The following LGI4 variants were observed in gnomAD, a reference collection of about 807,000 sequenced individuals.
LGI4 encodes leucine-rich repeat LGI family member 4.
In LGI4, 36 loss-of-function variants were observed where a neutral mutation model predicts 48.3. The observed-to-expected ratio is 0.75, with a 90% CI of 0.57 to 0.98. The LOEUF is 0.98. Ranked by LOEUF, LGI4 falls within the 50% of genes least tolerant of loss-of-function variation. The pLI is 0.00. For synonymous variants in LGI4, 355 were observed against 331.6 expected (o/e 1.07, Z -0.77); for missense variants, 701 against 732.1 (o/e 0.96, Z 0.49).
chr19:35,131,589 G>A lies in LGI4; in HGVS notation c.459-34C>T, dbSNP rs576479971. ...AGAGGCCAGGGAGGGGCTGCGACCC[G>A]GCTTCCACGCCCTGGGGGCCATGCT... On this transcript the variant is annotated intron_variant, in intron 5 of 8. Coordinates refer to ENST00000310123, the MANE Select transcript of LGI4 (RefSeq NM_139284.3). 19 of 1,539,618 alleles carry A rather than the reference G, an allele frequency of 1.2e-5. No homozygotes were observed. In the African/African-American group the frequency reaches 1.4e-4, roughly 11 times the overall value.
chr19:35,134,204 T>G (rs1167622942), intron 1 of LGI4, 100 bp from the exon 2 acceptor site: 8 of 1,075,446 alleles, frequency 7.4e-6, no homozygotes, highest in Non-Finnish European at 1.1e-5. Flanking sequence ...CGTGCCACCC[T>G]GACCCTGGAT....
Position 35,131,409 on chromosome 19 carries a change from T to C in LGI4, c.605A>G (p.Lys202Arg). 6.4e-7 allele frequency: 1 copy of C among 1,551,542 alleles called. No individual in the cohort carries two copies. The highest frequency in any genetic ancestry group is 8.7e-7 in the Non-Finnish European group (1 of 1,146,782). Reference sequence around the variant, plus strand: ...ACCTATGGCTCTGCACTTGAAAGTCTTGGGGTCGAGGTGGTGGAGCTGCAT... The same window carrying C: ...ACCTATGGCTCTGCACTTGAAAGTCCTGGGGTCGAGGTGGTGGAGCTGCAT... Reference protein sequence around the residue: ...SHMQLHHLDPKTFKCRAIELS... With the variant: ...SHMQLHHLDPRTFKCRAIELS... The change falls in exon 6 of 9, where the codon AAG (lysine) becomes AGG (arginine). Residue 202 changes from lysine (K) to arginine (R), a missense_variant. Coordinates refer to ENST00000310123, the MANE Select transcript of LGI4 (RefSeq NM_139284.3).
At chr19:35,125,622 T>C in intron 8 of LGI4, 115 bp from the exon 9 acceptor site, 2 of 927,140 alleles carry the variant, frequency 2.2e-6, no homozygotes, top group Non-Finnish European at 3.3e-6. Flanking sequence ...CTTATCTTCA[T>C]AAAAGTCACC....
At position 35,126,609 on chromosome 19, in the gene LGI4, G is replaced by C. The variant is rs77635806; in HGVS notation, c.960C>G (p.Ala320=). The C allele has an allele frequency of 0.024, 37,698 of 1,541,642 alleles. 612 individuals carry two copies. Among genetic ancestry groups the C allele is most frequent in the Middle Eastern group, 0.031 (180 of 5,838 alleles). The change falls in exon 8 of 9, where the codon GCC becomes GCG. Residue 320 remains alanine (A), a synonymous_variant. Coordinates refer to ENST00000310123, the MANE Select transcript of LGI4 (RefSeq NM_139284.3). ...APRRLLRPND[A]ELLWLEGQPC... ...GTTGCCCTTCCAGCCACAGGAGCTC[G>C]GCGTCATTGGGCCGCAGCAGCCGCC... is the stretch of plus-strand genomic sequence containing the variant.
intron 8 of LGI4, chr19:35,125,808 C>T: frequency 1.6e-6 from 1 of 623,362 alleles, no homozygotes; most frequent in Non-Finnish European, 3.0e-6. Context: ...CTGGCAGCCT[C>T]TTCCCTGGCC....
At chr19:35,133,550 C>A (rs746886446) in intron 3 of LGI4, 143 bp downstream of exon 3, 11 of 1,475,616 alleles carry the variant, frequency 7.5e-6, no homozygotes, top group Non-Finnish European at 9.9e-6. Flanking sequence ...ATTGGGTTCG[C>A]CATTTTTATC....
At chr19:35,134,452 C>G (rs2065195767) in intron 1 of LGI4, 59 bp downstream of exon 1, 1 of 1,524,206 alleles carries the variant, frequency 6.6e-7, no homozygotes, top group African/African-American at 1.4e-5. Flanking sequence ...ACATCCCAAC[C>G]TCTGGGGTCC....
chr19:35,131,982 C>T lies in LGI4; in HGVS notation c.375G>A (p.Ser125=), dbSNP rs765775997. The change falls in exon 4 of 9, where the codon TCG becomes TCA. Residue 125 remains serine (S), a synonymous_variant. Transcript: ENST00000310123. The stretch of plus-strand genomic sequence containing the variant: ...GTGGAGGCACGCACAGGTGTGTAAG[C>T]GAGCGAAGTCCTCTGAGGGCATTCT... ...ISKNALRGLR[S]LTHLSLANNH... is the part of the protein sequence containing the mutation. The T allele has an allele frequency of 1.0e-5, 16 of 1,588,686 alleles. No homozygotes were observed. Among genetic ancestry groups the T allele is most frequent in the Middle Eastern group, 1.7e-4 (1 of 6,034 alleles).
intron 6 of LGI4, among the ~76,000 whole-genome samples, chr19:35,128,953 C>T (rs1488741206): frequency 6.6e-6 from 1 of 152,178 alleles, no homozygotes; most frequent in Non-Finnish European, 1.5e-5. Flanking sequence ...CACATCGAGA[C>T]CTAACATCCC....
Position 35,132,478 on chromosome 19 carries a change from C to T in LGI4, c.315-436G>A, listed in dbSNP as rs371848474. On this transcript the variant is annotated intron_variant, in intron 3 of 8. Coordinates refer to ENST00000310123, the MANE Select transcript of LGI4 (RefSeq NM_139284.3). ...ACCAGTGCTAGCACCCACACCACCA[C>T]ATTACCTCCAGCATCATCTGTAATG... is the stretch of plus-strand genomic sequence containing the variant. Among the ~76,000 whole-genome samples the T allele has an allele frequency of 4.6e-5, 7 of 152,088 alleles. No homozygotes were observed. The South Asian group carries it at 1.5e-3, about 32-fold the overall frequency.
intron 3 of LGI4, chr19:35,133,407 C>T (rs1225769053): frequency 7.9e-7 from 1 of 1,264,324 alleles, no homozygotes; most frequent in Non-Finnish European, 1.0e-6. Flanking sequence ...TCAGGGAGAG[C>T]CAGAATCAGG....
intron 2 of LGI4, 112 bp downstream of exon 2, chr19:35,133,921 C>T: frequency 2.3e-6 from 3 of 1,288,898 alleles, no homozygotes; most frequent in East Asian, 2.5e-5. Context: ...CATACACCCC[C>T]ACACACGTGC....
At position 35,126,671 on chromosome 19, in the gene LGI4, C is replaced by G; in HGVS notation, c.898G>C (p.Gly300Arg). ...GSQLWARPSP[G>R]LRLAPTQTLA... Reference sequence around the variant, plus strand: ...GTCTGCGTTGGGGCCAGGCGCAGGCCGGGACTGGGCCGGGCCCACAGCTGT... The same window carrying G: ...GTCTGCGTTGGGGCCAGGCGCAGGCGGGGACTGGGCCGGGCCCACAGCTGT... The change falls in exon 8 of 9, where the codon GGC (glycine) becomes CGC (arginine). Residue 300 changes from glycine (G) to arginine (R), a missense_variant. Physicochemically the swap from Gly to Arg is moderately radical, Grantham distance 125. Transcript: ENST00000310123. 9.1e-6 allele frequency: 14 copies of G among 1,535,296 alleles called. No homozygotes were observed. Among genetic ancestry groups the G allele is most frequent in the African/African-American group, 1.4e-5 (1 of 73,328 alleles).
intron 6 of LGI4, among the ~76,000 whole-genome samples, chr19:35,128,731 CA>C (rs909649074): frequency 1.3e-5 from 2 of 152,188 alleles, no homozygotes; most frequent in African/African-American, 4.8e-5. Context: ...AACAAACATA[CA>C]AAAAACTTTC....
At chr19:35,133,852 G>T in intron 2 of LGI4, 88 bp from the exon 3 acceptor site, 1 of 1,404,490 alleles carries the variant, frequency 7.1e-7, no homozygotes, top group Non-Finnish European at 9.8e-7. Flanking sequence ...GCCTAGGTGG[G>T]CATGGGCACG....
Position 35,125,179 on chromosome 19 carries a change from T to C in LGI4, c.*14A>G, listed in dbSNP as rs765941326. The C allele has an allele frequency of 2.5e-5, 38 of 1,508,342 alleles. No individual in the cohort carries two copies. Among genetic ancestry groups the C allele is most frequent in the Non-Finnish European group, 3.4e-5 (38 of 1,126,268 alleles). The allele number at this position is 1,508,342 out of a possible 1,614,324, so 93.4% of individuals were successfully genotyped here. The stretch of plus-strand genomic sequence containing the variant: ...CCAGGGGCCCCAGCCATGCCCAGAG[T>C]CCCGTTGGTGGTCTCAGGCACTGAG... On this transcript the variant is annotated 3_prime_UTR_variant, in exon 9 of 9. Transcript: ENST00000310123.
Position 35,126,633 on chromosome 19 carries a change from C to T in LGI4, c.936G>A (p.Arg312=). The T allele has an allele frequency of 6.5e-7, 1 of 1,540,210 alleles. No homozygotes were observed. The highest frequency in any genetic ancestry group is 8.7e-7 in the Non-Finnish European group (1 of 1,148,870). ...RLAPTQTLAP[R]RLLRPNDAEL... ...CGGCGTCATTGGGCCGCAGCAGCCG[C>T]CGCGGGGCCAGGGTCTGCGTTGGGG... The change falls in exon 8 of 9, where the codon CGG becomes CGA. Residue 312 remains arginine, a synonymous_variant. Transcript: ENST00000310123.
intron 6 of LGI4, 131 bp downstream of exon 6, chr19:35,131,255 A>T (rs903001867): frequency 1.4e-5 from 15 of 1,101,616 alleles, no homozygotes; most frequent in Non-Finnish European, 2.0e-5. Flanking sequence ...GGGGCTCAGG[A>T]AGGCAGTGCT....
In LGI4 at chr19:35,134,653, G is replaced by A; in HGVS notation, c.28C>T (p.Leu10=). The A allele has an allele frequency of 6.9e-7, 1 of 1,455,432 alleles. No homozygotes were observed. Among genetic ancestry groups the A allele is most frequent in the South Asian group, 1.2e-5 (1 of 81,850 alleles). The allele number at this position is 1,455,432 out of a possible 1,614,324, so 90.2% of individuals were successfully genotyped here. ...ACCACCACCCCCGCCCCAGCCAGCA[G>A]CAGCAGCAGAATGCCTGCCCCTCCC... MGGAGILLL[L]LAGAGVVVAW... The change falls in exon 1 of 9, where the codon CTG becomes TTG. Residue 10 remains leucine, a synonymous_variant. Transcript: ENST00000310123.
Sources: gnomAD v4.1 joint callset for allele counts (sites outside exome capture counted in the v4.1 genomes callset) on GRCh38, gnomAD v4.1.1 for gene constraint, MANE v1.5 for transcripts, NCBI Gene and HGNC (gene_info 2026-07-23, HGNC 2026-07-21) for gene names.